NUP155: variants seen among roughly 807,000 people sequenced by gnomAD.
The protein encoded by NUP155 is nuclear pore complex protein Nup155.
In NUP155, 71 loss-of-function variants were observed where a neutral mutation model predicts 180.4. The observed-to-expected ratio is 0.39, with a 90% CI of 0.33 to 0.48. The LOEUF (loss-of-function observed/expected upper bound fraction) is 0.48, where lower values mean the gene tolerates loss of function less well. NUP155 is among the 20% of genes least tolerant of loss of function. NUP155 has a pLI of 0.91. For missense variants in NUP155, 1,553 were observed against 1,648.9 expected, an observed-to-expected ratio of 0.94 and a Z score of 1.01; for synonymous variants, 582 against 559.5, an observed-to-expected ratio of 1.04 and a Z score of -0.57.
chr5:37,349,331 T>G, intron 7 of NUP155, 86 bp from the exon 8 acceptor site: 1 of 451,858 alleles, frequency 2.2e-6, no homozygotes, highest in Non-Finnish European at 4.1e-6. Context: ...CAACAAACTG[T>G]TGAATCAGAA....
chr5:37,300,165 G>C (rs1742789176), intron 30 of NUP155, among the ~76,000 whole-genome samples: 1 of 151,964 alleles, frequency 6.6e-6, no homozygotes, highest in African/African-American at 2.4e-5. Context: ...TCAAATTTCT[G>C]TGGGTACACA....
intron 24 of NUP155, among the ~76,000 whole-genome samples, chr5:37,308,469 T>G (rs187170956): frequency 2.0e-5 from 3 of 151,414 alleles, no homozygotes. Context: ...GAGGCTGAGG[T>G]GGGTGGATCA....
intron 12 of NUP155, among the ~76,000 whole-genome samples, chr5:37,335,283 A>AG (rs1745252952): frequency 1.3e-5 from 2 of 150,732 alleles, no homozygotes; most frequent in Non-Finnish European, 2.9e-5. Context: ...CAGAAGGCTG[A>AG]GGTAGGAGGA....
chr5:37,309,118 T>G lies in NUP155; in HGVS notation c.2767+11A>C. The G allele has an allele frequency of 1.2e-6, 2 of 1,612,230 alleles. No individual in the cohort carries two copies. The highest frequency in any genetic ancestry group is 2.2e-5 in the South Asian group (2 of 91,034). ...TTGAGTAAAAGATACAAGAAACATT[T>G]TATTTCTCACCTTGTCTATACTGAG... is the stretch of plus-strand genomic sequence containing the variant. On this transcript the variant is annotated intron_variant, in intron 24 of 34. Transcript: ENST00000231498.
intron 20 of NUP155, 86 bp from the exon 21 acceptor site, chr5:37,318,171 T>C: frequency 1.1e-6 from 1 of 883,274 alleles, no homozygotes; most frequent in Non-Finnish European, 1.9e-6. Context: ...ATTTAATATG[T>C]TTACTTTTTT....
chr5:37,355,890 T>C (rs1305991011), intron 4 of NUP155, among the ~76,000 whole-genome samples: 1 of 151,852 alleles, frequency 6.6e-6, no homozygotes, highest in African/African-American at 2.4e-5. Flanking sequence ...GAATATATTT[T>C]AAATTTAAAT....
At chr5:37,343,988 T>C (rs1236855875) in intron 9 of NUP155, among the ~76,000 whole-genome samples, 1 of 152,196 alleles carries the variant, frequency 6.6e-6, no homozygotes, top group African/African-American at 2.4e-5. Flanking sequence ...ACTGCTATTA[T>C]GTGTCTCTTG....
intron 3 of NUP155, 51 bp downstream of exon 3, chr5:37,363,837 G>T: frequency 1.6e-6 from 2 of 1,212,408 alleles, no homozygotes; most frequent in Non-Finnish European, 1.2e-6. Flanking sequence ...CTACAGTAAA[G>T]TTTATATAAA....
In NUP155 at chr5:37,351,287, G is replaced by A. The variant is rs370781964; in HGVS notation, c.626C>T (p.Pro209Leu). 2 of 1,611,852 alleles carry A rather than the reference G, an allele frequency of 1.2e-6. No individual in the cohort carries two copies. The highest frequency in any genetic ancestry group is 1.7e-6 in the Non-Finnish European group (2 of 1,178,306). ...QLLPDPLYSLPTDNTYLLTIT... is the reference protein window; with the variant it reads ...QLLPDPLYSLLTDNTYLLTIT... Reference sequence around the variant, plus strand: ...TGTTAAAAGGTAAGTATTATCAGTAGGAAGAGAATATAAAGGATCTGGAAG... The same window carrying A: ...TGTTAAAAGGTAAGTATTATCAGTAAGAAGAGAATATAAAGGATCTGGAAG... The change falls in exon 6 of 35, where the codon CCT (proline) becomes CTT (leucine). Residue 209 changes from proline (P) to leucine (L), a missense_variant. Physicochemically the swap from Pro to Leu is moderately conservative, Grantham distance 98 (BLOSUM62 -3). Coordinates refer to ENST00000231498, the MANE Select transcript of NUP155 (RefSeq NM_153485.3).
intron 25 of NUP155, among the ~76,000 whole-genome samples, chr5:37,305,984 A>C (rs935833258): frequency 2.0e-5 from 3 of 152,236 alleles, no homozygotes; most frequent in Non-Finnish European, 2.9e-5. Flanking sequence ...ATTTGGCAGA[A>C]TAGATGTACA....
chr5:37,359,430 G>C (rs1747056399), intron 3 of NUP155, among the ~76,000 whole-genome samples: 1 of 151,990 alleles, frequency 6.6e-6, no homozygotes, highest in East Asian at 1.9e-4. Context: ...TACAAGGATG[G>C]AATCACAGGA....
At chr5:37,334,112 T>C (rs186866862) in intron 12 of NUP155, among the ~76,000 whole-genome samples, 28 of 151,896 alleles carry the variant, frequency 1.8e-4, no homozygotes, top group Non-Finnish European at 3.5e-4. Flanking sequence ...CTGGGGTTTT[T>C]TTTTTTTGAG....
chr5:37,346,751 T>A (rs138490753), intron 9 of NUP155, among the ~76,000 whole-genome samples: 1 of 152,158 alleles, frequency 6.6e-6, no homozygotes, highest in Non-Finnish European at 1.5e-5. Context: ...TAATGCAGAT[T>A]GTCTGAAGAC....
At chr5:37,311,198 A>G (rs1743501558) in intron 22 of NUP155, among the ~76,000 whole-genome samples, 1 of 152,222 alleles carries the variant, frequency 6.6e-6, no homozygotes, top group Non-Finnish European at 1.5e-5. Flanking sequence ...GTATTGATTT[A>G]TACTATAGTA....
In NUP155 at chr5:37,324,109, T is replaced by A; in HGVS notation, c.2092-2A>T. 6.3e-7 allele frequency: 1 copy of A among 1,594,954 alleles called. No homozygotes were observed. On this transcript the variant is annotated splice_acceptor_variant, in intron 19 of 34. Transcript: ENST00000231498. LOFTEE classifies it high-confidence loss of function. ...TTGGCAGGGAACACTACTTTCAATC[T>A]GTAAAAATGAAAGATTTTTCAAAAG...
At chr5:37,356,502 G>T (rs534192876) in intron 4 of NUP155, among the ~76,000 whole-genome samples, 77 of 151,794 alleles carry the variant, frequency 5.1e-4, no homozygotes, top group African/African-American at 1.8e-3. Context: ...AATTAGGCGT[G>T]GTGACATGCG....
chr5:37,368,667 A>G (rs1029536082), intron 1 of NUP155, among the ~76,000 whole-genome samples: 2 of 152,108 alleles, frequency 1.3e-5, no homozygotes, highest in Admixed American at 6.6e-5. Flanking sequence ...TAAAAATAGA[A>G]AAATGAGCCA....
intron 9 of NUP155, 75 bp downstream of exon 9, chr5:37,348,430 T>C: frequency 1.1e-6 from 1 of 934,322 alleles, no homozygotes; most frequent in Non-Finnish European, 1.8e-6. Flanking sequence ...GAATAATATA[T>C]ACTTTTAGAA....
At chr5:37,359,945 T>C (rs1252438658) in intron 3 of NUP155, among the ~76,000 whole-genome samples, 2 of 151,940 alleles carry the variant, frequency 1.3e-5, no homozygotes, top group African/African-American at 4.8e-5. Context: ...CAATGATACC[T>C]GTTTCTACTA....
Sources: gnomAD v4.1 joint callset for allele counts (sites outside exome capture counted in the v4.1 genomes callset) on GRCh38, gnomAD v4.1.1 for gene constraint, MANE v1.5 for transcripts, NCBI Gene and HGNC (gene_info 2026-07-23, HGNC 2026-07-21) for gene names.